Variants in PCNX4 observed in about 807,000 individuals in gnomAD.
The protein encoded by PCNX4 is pecanex 4.
PCNX4 carries 103 observed loss-of-function variants against 107.2 expected under a neutral mutation model. The ratio of observed to expected loss-of-function variants is 0.96; its 90% CI spans 0.82 to 1.13. The LOEUF is 1.13. PCNX4 is among the 50% of genes most tolerant of loss of function. The pLI is 0.00. For missense variants in PCNX4, 1,528 were observed against 1,379.4 expected, an observed-to-expected ratio of 1.11 and a Z score of -1.71; for synonymous variants, 541 against 481.7, an observed-to-expected ratio of 1.12 and a Z score of -1.61.
In PCNX4 at chr14:60,118,703, G is replaced by A. The variant is rs768119932; in HGVS notation, c.1942+11G>A. ...CAGCTGGAAGTTTAGGTAAGTAAAT[G>A]GGTTGTGCTCAAGAATTTCTCACTA... On this transcript the variant is annotated intron_variant, in intron 7 of 10. Transcript: ENST00000406854. 2 of 1,538,762 alleles carry A rather than the reference G, an allele frequency of 1.3e-6. No homozygotes were observed. Among genetic ancestry groups the A allele is most frequent in the East Asian group, 2.3e-5 (1 of 43,610 alleles).
intron 10 of PCNX4, chr14:60,126,046 T>TTG: frequency 3.0e-6 from 1 of 336,622 alleles, no homozygotes. Context: ...ATTAAAAATG[T>TTG]TGTGTAGCCA....
At chr14:60,114,228 G>C (rs1895794026) in intron 2 of PCNX4, among the ~76,000 whole-genome samples, 2 of 152,264 alleles carry the variant, frequency 1.3e-5, no homozygotes, top group East Asian at 3.9e-4. Flanking sequence ...GTATGAATGT[G>C]GGTAAGGCTT....
intron 1 of PCNX4, among the ~76,000 whole-genome samples, chr14:60,099,476 A>G (rs1326674594): frequency 2.0e-5 from 3 of 152,216 alleles, no homozygotes; most frequent in African/African-American, 7.2e-5. Flanking sequence ...TTCTTGCTTA[A>G]TAATGAAAAT....
chr14:60,132,315 C>G (rs1208601537), intron 10 of PCNX4, among the ~76,000 whole-genome samples: 4 of 152,168 alleles, frequency 2.6e-5, no homozygotes, highest in Admixed American at 6.5e-5. Context: ...TAGGACCCAC[C>G]TAAATCCAGG....
chr14:60,116,305 C>T (rs1895847646), intron 6 of PCNX4, among the ~76,000 whole-genome samples: 1 of 152,170 alleles, frequency 6.6e-6, no homozygotes, highest in Non-Finnish European at 1.5e-5. Flanking sequence ...ATTTTAGATA[C>T]TTCACATGAA....
intron 10 of PCNX4, among the ~76,000 whole-genome samples, chr14:60,127,834 T>C (rs1320622034): frequency 1.3e-5 from 2 of 152,206 alleles, no homozygotes; most frequent in African/African-American, 4.8e-5. Flanking sequence ...TAGTAGTCAT[T>C]ATAAATATGT....
At chr14:60,118,966 A>T (rs1338703791) in intron 7 of PCNX4, among the ~76,000 whole-genome samples, 1 of 152,228 alleles carries the variant, frequency 6.6e-6, no homozygotes, top group African/African-American at 2.4e-5. Flanking sequence ...ATAAATTCAG[A>T]TTACAATGCA....
intron 1 of PCNX4, among the ~76,000 whole-genome samples, chr14:60,099,770 G>GTAA (rs1267571702): frequency 6.6e-6 from 1 of 152,094 alleles, no homozygotes; most frequent in Non-Finnish European, 1.5e-5. Flanking sequence ...TAAGAAAAAG[G>GTAA]TAATGGTCAG....
intron 10 of PCNX4, among the ~76,000 whole-genome samples, chr14:60,132,752 A>G (rs1473497644): frequency 6.6e-6 from 1 of 152,164 alleles, no homozygotes; most frequent in Non-Finnish European, 1.5e-5. Flanking sequence ...TTACAACTCT[A>G]TAATAAAAAG....
At chr14:60,098,897 C>A (rs1476898941) in intron 1 of PCNX4, among the ~76,000 whole-genome samples, 1 of 151,182 alleles carries the variant, frequency 6.6e-6, no homozygotes, top group African/African-American at 2.4e-5. Flanking sequence ...GAGATCATGC[C>A]ATTGTACTCC....
At position 60,140,326 on chromosome 14, in the gene PCNX4, C is replaced by G. The variant is rs769335541; in HGVS notation, c.*6105C>G. 3 of 152,130 alleles carry G rather than the reference C, an allele frequency of 2.0e-5. No homozygotes were observed. Among genetic ancestry groups the G allele is most frequent in the Non-Finnish European group, 4.4e-5 (3 of 68,024 alleles). The allele number at this position is 152,130 out of a possible 1,614,324, so 9.4% of individuals were successfully genotyped here. Reference sequence around the variant, plus strand: ...AAAAATAGAAAATTCGAGTAGTTCCCTATCTGCTAAAGAAGTGGAACCTAT... The same window carrying G: ...AAAAATAGAAAATTCGAGTAGTTCCGTATCTGCTAAAGAAGTGGAACCTAT... On this transcript the variant is annotated 3_prime_UTR_variant, in exon 11 of 11. Transcript: ENST00000406854. This position sits in a 1 kb window ranked among gnomAD's most constrained non-coding sequence, Gnocchi z 4.2.
At chr14:60,106,141 T>C (rs1895624146) in intron 1 of PCNX4, among the ~76,000 whole-genome samples, 3 of 152,288 alleles carry the variant, frequency 2.0e-5, no homozygotes, top group South Asian at 2.1e-4. Context: ...AAGGTTCGAT[T>C]TGGCCCTGTA....
intron 10 of PCNX4, among the ~76,000 whole-genome samples, chr14:60,128,606 G>C (rs1896098068): frequency 6.6e-6 from 1 of 152,162 alleles, no homozygotes; most frequent in African/African-American, 2.4e-5. Context: ...TCTTCAGGCT[G>C]AAAGTAAGTG....
At chr14:60,102,128 A>G (rs550435417) in intron 1 of PCNX4, among the ~76,000 whole-genome samples, 2 of 152,312 alleles carry the variant, frequency 1.3e-5, no homozygotes, top group South Asian at 4.1e-4. Flanking sequence ...TGCAGGATGA[A>G]CAAGTTCTAG....
intron 8 of PCNX4, among the ~76,000 whole-genome samples, chr14:60,122,456 A>G (rs868483241): frequency 1.3e-5 from 2 of 152,024 alleles, no homozygotes; most frequent in South Asian, 2.1e-4. Context: ...CTCTACTTGC[A>G]TATAATCACC....
chr14:60,139,302 G>A lies in PCNX4; in HGVS notation c.*5081G>A, dbSNP rs1337961588. On this transcript the variant is annotated 3_prime_UTR_variant, in exon 11 of 11. Coordinates refer to ENST00000406854, the MANE Select transcript of PCNX4 (RefSeq NM_001330177.2). ...AATATGAAATACAAAAAACAAAAAC[G>A]ATAGGGCAGGGGACTATGGTGGCTA... is the stretch of plus-strand genomic sequence containing the variant. The A allele has an allele frequency of 5.3e-5, 8 of 152,054 alleles. No homozygotes were observed. Among genetic ancestry groups the A allele is most frequent in the Non-Finnish European group, 7.4e-5 (5 of 67,922 alleles). 9.4% of individuals were successfully genotyped at this position (152,054 alleles called of 1,614,324 possible).
intron 2 of PCNX4, among the ~76,000 whole-genome samples, chr14:60,112,833 G>A (rs1234492554): frequency 6.6e-6 from 1 of 152,170 alleles, no homozygotes; most frequent in African/African-American, 2.4e-5. Context: ...TTTTAACAAA[G>A]TATTGTCCTC....
Position 60,115,975 on chromosome 14 carries a change from C to T in PCNX4, c.1493C>T (p.Thr498Ile), listed in dbSNP as rs757251237. The T allele has an allele frequency of 6.2e-7, 1 of 1,611,940 alleles. No individual in the cohort carries two copies. Among genetic ancestry groups the T allele is most frequent in the Non-Finnish European group, 8.5e-7 (1 of 1,178,578 alleles). The part of the protein sequence containing the change: ...WQNTENALLE[T>I]VIVSTVHLIS... ...AATACAGAAAATGCTTTATTGGAGA[C>T]AGTCATTGTATCAACAGTACACTTG... The change falls in exon 6 of 11, where the codon ACA becomes ATA. Residue 498 changes from threonine (T) to isoleucine (I), a missense_variant. Transcript: ENST00000406854.
In PCNX4 at chr14:60,108,133, G is replaced by A. The variant is rs1256537633; in HGVS notation, c.495G>A (p.Leu165=). The change falls in exon 2 of 11, where the codon TTG becomes TTA. Residue 165 remains leucine (L), a synonymous_variant. Coordinates refer to ENST00000406854, the MANE Select transcript of PCNX4 (RefSeq NM_001330177.2). ...ATCTGCTCCCAAATAGAATAACCTT[G>A]CTGTATGGCAGTACAGGAGGCACTG... ...TWYLLPNRIT[L]LYGSTGGTAL... The A allele has an allele frequency of 1.9e-6, 3 of 1,612,826 alleles. No individual in the cohort carries two copies. The highest frequency in any genetic ancestry group is 2.5e-6 in the Non-Finnish European group (3 of 1,179,874).
Sources: allele counts gnomAD v4.1 joint callset (sites outside exome capture counted in the v4.1 genomes callset), GRCh38; gene constraint gnomAD v4.1.1; non-coding constraint Gnocchi (gnomAD v3.1); transcripts MANE v1.5; gene names NCBI Gene and HGNC (gene_info 2026-07-23, HGNC 2026-07-21).